The following HDX variants were observed in gnomAD, a reference collection of about 807,000 sequenced individuals.
HDX encodes the protein chromosome X open reading frame 43.
HDX carries 19 observed loss-of-function variants against 45.2 expected under a neutral mutation model. That is an observed-to-expected ratio of 0.42 (90% CI 0.29 to 0.62). The LOEUF is 0.62. Among genes scored for constraint, HDX ranks in the 20% least tolerant of loss-of-function variants. The pLI is 0.20. For missense variants in HDX, 532 were observed against 493.9 expected, an observed-to-expected ratio of 1.08 and a Z score of -0.73; for synonymous variants, 188 against 172.8, an observed-to-expected ratio of 1.09 and a Z score of -0.69.
At chrX:84,496,051 G>A (rs934333677) in intron 1 of HDX, among the ~76,000 whole-genome samples, 2 of 111,429 alleles carry the variant, frequency 1.8e-5, no homozygotes, top group Non-Finnish European at 3.8e-5. Flanking sequence ...CAAGTAATTA[G>A]GATAAATATC....
At chrX:84,452,724 G>A (rs2040028788) in intron 4 of HDX, among the ~76,000 whole-genome samples, 1 of 111,664 alleles carries the variant, frequency 9.0e-6, no homozygotes, top group Admixed American at 9.5e-5. Context: ...GTGTGTTAGA[G>A]AAATGATGCC....
At chrX:84,448,282 G>T (rs1339695151) in intron 4 of HDX, among the ~76,000 whole-genome samples, 1 of 110,738 alleles carries the variant, frequency 9.0e-6, no homozygotes, top group Admixed American at 9.6e-5. Context: ...TGCTGCTCAG[G>T]GTCCCAAGGA....
At chrX:84,429,555 C>T (rs900711034) in intron 5 of HDX, among the ~76,000 whole-genome samples, 8 of 110,173 alleles carry the variant, frequency 7.3e-5, no homozygotes, top group Admixed American at 2.9e-4. Context: ...CACTTATTAG[C>T]CTTAGTAGCT....
chrX:84,359,291 T>C (rs1033744506), intron 6 of HDX, among the ~76,000 whole-genome samples: 7 of 110,650 alleles, frequency 6.3e-5, no homozygotes, highest in Non-Finnish European at 9.4e-5. Flanking sequence ...TATCAACCCA[T>C]GAACTAGATA....
chrX:84,381,221 G>C (rs2038180997), intron 5 of HDX, among the ~76,000 whole-genome samples: 1 of 111,113 alleles, frequency 9.0e-6, no homozygotes, highest in South Asian at 3.8e-4. Flanking sequence ...AAATGGAGAA[G>C]CATTCCATGT....
At chrX:84,480,630 T>G (rs1170128772) in intron 2 of HDX, among the ~76,000 whole-genome samples, 1 of 111,548 alleles carries the variant, frequency 9.0e-6, no homozygotes, top group Non-Finnish European at 1.9e-5. Context: ...GATTGTATAG[T>G]TTTTATTCTT....
At chrX:84,342,018 A>G (rs755001920) in intron 7 of HDX, among the ~76,000 whole-genome samples, 11 of 111,299 alleles carry the variant, frequency 9.9e-5, no homozygotes, top group Non-Finnish European at 1.7e-4. Context: ...GTCTTTGTCC[A>G]TTGTCCTTTC....
chrX:84,449,712 A>G (rs1324791232), intron 4 of HDX, among the ~76,000 whole-genome samples: 4 of 112,488 alleles, frequency 3.6e-5, no homozygotes, highest in African/African-American at 1.3e-4. Flanking sequence ...ATGAAAACAC[A>G]TGAAGGATAA....
chrX:84,374,682 G>A (rs934734258), intron 5 of HDX, among the ~76,000 whole-genome samples: 169 of 109,602 alleles, frequency 1.5e-3, no homozygotes, highest in African/African-American at 5.3e-3. Flanking sequence ...GGGAAAACTG[G>A]CTAGCCATAT....
At chrX:84,423,013 A>T (rs56168822) in intron 5 of HDX, among the ~76,000 whole-genome samples, 12,074 of 109,931 alleles carry the variant, frequency 0.11, 624 homozygotes, top group South Asian at 0.26. Context: ...TAAGAAATTT[A>T]AAAAAAAGAA....
chrX:84,324,578 T>A (rs964150825), intron 10 of HDX, among the ~76,000 whole-genome samples: 2 of 111,680 alleles, frequency 1.8e-5, no homozygotes, highest in Non-Finnish European at 3.8e-5. Context: ...TTTGTCCATA[T>A]ACTAATTTAT....
At chrX:84,441,115 G>C (rs989023611) in intron 4 of HDX, among the ~76,000 whole-genome samples, 2 of 110,905 alleles carry the variant, frequency 1.8e-5, no homozygotes, top group African/African-American at 6.5e-5. Flanking sequence ...AAATAAAACA[G>C]TTATGACAAA....
Position 84,361,493 on chromosome X carries a change from T to A in HDX, c.1425A>T (p.Glu475Asp), listed in dbSNP as rs766274880. The A allele has an allele frequency of 8.3e-7, 1 of 1,206,622 alleles. No homozygotes were observed. Among genetic ancestry groups the A allele is most frequent in the East Asian group, 3.0e-5 (1 of 33,726 alleles). ...GAACTATTTCACAGTCAACATTTAA[T>A]TCAGTTGCCACAGCTTCAATTTTCT... ...CREKIEAVATELNVDCEIVRT... is the reference protein window; with the variant it reads ...CREKIEAVATDLNVDCEIVRT... The change falls in exon 6 of 11, where the codon GAA becomes GAT. Residue 475 changes from glutamate to aspartate, a missense_variant. By Grantham distance (45) the Glu-to-Asp change is conservative. This residue lies in a region of HDX where 376 missense variants were observed against 343.7 expected (regional missense o/e 1.09). Transcript: ENST00000373177.
At chrX:84,395,585 C>G (rs754887616) in intron 5 of HDX, among the ~76,000 whole-genome samples, 1 of 111,219 alleles carries the variant, frequency 9.0e-6, no homozygotes, top group African/African-American at 3.3e-5. Flanking sequence ...CTTAAGGCTT[C>G]CTGAGCTTCC....
intron 4 of HDX, among the ~76,000 whole-genome samples, chrX:84,458,878 A>T (rs1002705276): frequency 8.9e-6 from 1 of 112,013 alleles, no homozygotes; most frequent in Non-Finnish European, 1.9e-5. Context: ...TACTGCAATG[A>T]ATAAGTGCTT....
At chrX:84,439,481 G>T (rs1361911349) in intron 5 of HDX, among the ~76,000 whole-genome samples, 1 of 110,867 alleles carries the variant, frequency 9.0e-6, no homozygotes, top group East Asian at 2.8e-4. Context: ...CTCTGCCAAA[G>T]CCAATGTTGA....
intron 9 of HDX, among the ~76,000 whole-genome samples, chrX:84,327,491 T>C (rs976925660): frequency 9.0e-6 from 1 of 111,540 alleles, no homozygotes; most frequent in Non-Finnish European, 1.9e-5. Flanking sequence ...CCCACAAAAA[T>C]GGTCGATTGA....
At chrX:84,424,450 A>T (rs756392577) in intron 5 of HDX, among the ~76,000 whole-genome samples, 21 of 82,328 alleles carry the variant, frequency 2.6e-4, no homozygotes, top group East Asian at 7.4e-4. Flanking sequence ...ACAGAAATTT[A>T]AAAAAAAAAA....
intron 5 of HDX, 191 bp downstream of exon 5, chrX:84,440,338 GTAC>G (rs1194838267): frequency 2.6e-6 from 1 of 391,720 alleles, no homozygotes; most frequent in Non-Finnish European, 4.4e-6. Flanking sequence ...GGTGTGCTGA[GTAC>G]TACATTATAA....
Sources: gnomAD v4.1 joint callset for allele counts (sites outside exome capture counted in the v4.1 genomes callset) on GRCh38, gnomAD v4.1.1 for gene constraint, gnomAD v4.1.1 regional missense constraint, MANE v1.5 for transcripts, NCBI Gene and HGNC (gene_info 2026-07-23, HGNC 2026-07-21) for gene names.